TASP1: variants seen among roughly 807,000 people sequenced by gnomAD.
TASP1 encodes the protein taspase 1.
In TASP1, 16 loss-of-function variants were observed where a neutral mutation model predicts 56.6. The observed-to-expected ratio is 0.28, with a 90% CI of 0.19 to 0.43. The LOEUF (loss-of-function observed/expected upper bound fraction) is 0.43. Among genes scored for constraint, TASP1 ranks in the 20% least tolerant of loss-of-function variants. TASP1 has a pLI of 1.00. For missense variants in TASP1, 393 were observed against 511.6 expected, an observed-to-expected ratio of 0.77 and a Z score of 2.24; for synonymous variants, 179 against 184.2, an observed-to-expected ratio of 0.97 and a Z score of 0.23.
chr20:13,324,432 C>T, the TASP1 span, among the ~76,000 whole-genome samples: 1 of 152,130 alleles, frequency 6.6e-6, no homozygotes, highest in Non-Finnish European at 1.5e-5. Context: ...CCCAAAGATG[C>T]AGAAAAGAGG....
intron 11 of TASP1, among the ~76,000 whole-genome samples, chr20:13,482,053 T>A (rs2043157871): frequency 6.6e-6 from 1 of 152,144 alleles, no homozygotes; most frequent in African/African-American, 2.4e-5. Context: ...TAGATTGGGG[T>A]CTTAGATTTA....
At chr20:13,565,024 A>T (rs979805909) in intron 7 of TASP1, among the ~76,000 whole-genome samples, 2 of 152,022 alleles carry the variant, frequency 1.3e-5, no homozygotes, top group East Asian at 1.9e-4. Context: ...AAAAAAAAAA[A>T]ATATGGAAAT....
At chr20:13,472,432 T>C (rs1051336565) in intron 11 of TASP1, among the ~76,000 whole-genome samples, 1 of 150,970 alleles carries the variant, frequency 6.6e-6, no homozygotes, top group Non-Finnish European at 1.5e-5. Context: ...GGGCAAAGAC[T>C]TCATGACTAA....
the TASP1 span, among the ~76,000 whole-genome samples, chr20:13,191,627 G>T: frequency 1.0e-3 from 155 of 152,228 alleles, no homozygotes; most frequent in African/African-American, 3.5e-3. Context: ...TGGTTAATGG[G>T]TACAAAATTA....
chr20:13,382,207 G>T, the TASP1 span, among the ~76,000 whole-genome samples: 1 of 152,154 alleles, frequency 6.6e-6, no homozygotes, highest in African/African-American at 2.4e-5. Flanking sequence ...GCTGTTTTTA[G>T]CCAGTTTCAG....
the TASP1 span, among the ~76,000 whole-genome samples, chr20:13,306,564 C>CAAAAAAAAAAAAAAAAAAAG: frequency 3.1e-5 from 2 of 63,914 alleles, no homozygotes; most frequent in Non-Finnish European, 5.3e-5. Flanking sequence ...GGAGAAAGGA[C>CAAAAAAAAAAAAAAAAAAAG]AAAAAAAAAA....
At chr20:13,317,246 C>CA in the TASP1 span, among the ~76,000 whole-genome samples, 2 of 151,146 alleles carry the variant, frequency 1.3e-5, no homozygotes, top group South Asian at 4.2e-4. Flanking sequence ...AGATCTACAC[C>CA]AAAAAAACAA....
the TASP1 span, among the ~76,000 whole-genome samples, chr20:13,307,539 A>C: frequency 6.6e-6 from 1 of 152,216 alleles, no homozygotes; most frequent in South Asian, 2.1e-4. Flanking sequence ...AAATTTTACC[A>C]CAACACAAAA....
At chr20:13,469,792 C>CTT (rs546419566) in intron 11 of TASP1, among the ~76,000 whole-genome samples, 727 of 39,504 alleles carry the variant, frequency 0.018, 162 homozygotes, top group East Asian at 0.031. Flanking sequence ...AATAAATGTC[C>CTT]TTTTTTTTTT....
the TASP1 span, among the ~76,000 whole-genome samples, chr20:13,198,792 G>GTCTTTCTTTCTT: frequency 3.9e-4 from 44 of 114,144 alleles, no homozygotes; most frequent in Middle Eastern, 0.016. Flanking sequence ...TTCTTTCTTT[G>GTCTTTCTTTCTT]TCTTTCTTTC....
chr20:13,330,202 G>A, the TASP1 span, among the ~76,000 whole-genome samples: 7 of 152,112 alleles, frequency 4.6e-5, no homozygotes, highest in South Asian at 8.3e-4. Context: ...TGATCTACCC[G>A]CCTCAGCCTC....
the TASP1 span, among the ~76,000 whole-genome samples, chr20:13,106,761 G>A: frequency 6.6e-6 from 1 of 152,214 alleles, no homozygotes; most frequent in Non-Finnish European, 1.5e-5. Flanking sequence ...AGACCAGGGG[G>A]CTAGCCTGGG....
the TASP1 span, among the ~76,000 whole-genome samples, chr20:13,223,111 C>G: frequency 6.6e-6 from 1 of 151,232 alleles, no homozygotes; most frequent in Non-Finnish European, 1.5e-5. Flanking sequence ...GAGCTGAGAT[C>G]GCGCCACTGC....
chr20:13,302,710 T>C, the TASP1 span, among the ~76,000 whole-genome samples: 1 of 152,186 alleles, frequency 6.6e-6, no homozygotes, highest in Non-Finnish European at 1.5e-5. Flanking sequence ...TTTTTCTCTT[T>C]GAGTGCACTG....
At chr20:13,600,597 T>G (rs1205452999) in intron 4 of TASP1, 1 of 152,192 alleles carries the variant, frequency 6.6e-6, no homozygotes, top group East Asian at 1.9e-4. Context: ...CACCTACATG[T>G]AGGGGTTAAA....
chr20:13,566,406 G>C (rs1341998501), intron 7 of TASP1, among the ~76,000 whole-genome samples: 1 of 151,820 alleles, frequency 6.6e-6, no homozygotes, highest in East Asian at 1.9e-4. Flanking sequence ...ATTCATAATA[G>C]CCAAAAATTG....
At chr20:13,279,962 A>C in the TASP1 span, 2 of 1,492,420 alleles carry the variant, frequency 1.3e-6, no homozygotes, top group Non-Finnish European at 1.8e-6. Flanking sequence ...TGCCTTGGAC[A>C]TGGAGCCAAG....
chr20:13,144,836 G>A, the TASP1 span, among the ~76,000 whole-genome samples: 65 of 152,174 alleles, frequency 4.3e-4, no homozygotes, highest in African/African-American at 1.4e-3. Context: ...GTGCAGTGGC[G>A]CAATCTTGGC....
intron 9 of TASP1, 56 bp from the exon 10 acceptor site, chr20:13,528,567 G>A: frequency 6.9e-7 from 1 of 1,443,808 alleles, no homozygotes. Flanking sequence ...GTAATTATTA[G>A]TTTTCAACAG....
Sources: gnomAD v4.1 joint callset for allele counts (sites outside exome capture counted in the v4.1 genomes callset) on GRCh38, gnomAD v4.1.1 for gene constraint, MANE v1.5 for transcripts, NCBI Gene and HGNC (gene_info 2026-07-23, HGNC 2026-07-21) for gene names.